The following CDK5RAP2 variants were observed in gnomAD, a reference collection of about 807,000 sequenced individuals.
CDK5RAP2 encodes CDK5 regulatory subunit-associated protein 2.
CDK5RAP2 carries 147 observed loss-of-function variants against 232.9 expected under a neutral mutation model. The observed-to-expected ratio is 0.63, with a 90% CI of 0.55 to 0.72. The LOEUF (loss-of-function observed/expected upper bound fraction) is 0.72. CDK5RAP2 is among the 30% of genes least tolerant of loss of function. The probability of loss-of-function intolerance (pLI) is 0.00; values close to 1 mark genes in which losing one functional copy is unlikely to be tolerated. For missense variants in CDK5RAP2, 2,195 were observed against 2,231.5 expected, an observed-to-expected ratio of 0.98 and a Z score of 0.33; for synonymous variants, 833 against 833.7, an observed-to-expected ratio of 1.00 and a Z score of 0.01.
intron 3 of CDK5RAP2, among the ~76,000 whole-genome samples, chr9:120,566,672 T>C (rs116110835): frequency 5.3e-4 from 81 of 152,290 alleles, no homozygotes; most frequent in African/African-American, 1.7e-3. Flanking sequence ...ATCATGCCCA[T>C]TGTTAAAATG....
intron 18 of CDK5RAP2, among the ~76,000 whole-genome samples, chr9:120,462,624 C>T (rs1469708246): frequency 6.6e-6 from 1 of 152,184 alleles, no homozygotes; most frequent in East Asian, 1.9e-4. Context: ...ATCTCAAAAA[C>T]ATAATGCTGA....
At chr9:120,567,884 T>C (rs1029364892) in intron 3 of CDK5RAP2, among the ~76,000 whole-genome samples, 4 of 152,200 alleles carry the variant, frequency 2.6e-5, no homozygotes, top group African/African-American at 9.7e-5. Context: ...TTAAGATTCC[T>C]AACCTGCAAA....
chr9:120,434,856 G>A lies in CDK5RAP2; in HGVS notation c.3955+2439C>T, dbSNP rs146775355. Among the ~76,000 whole-genome samples, 202 of 152,312 alleles carry A rather than the reference G, an allele frequency of 1.3e-3. 2 individuals carry two copies. The highest frequency in any genetic ancestry group is 4.2e-3 in the African/African-American group (174 of 41,566). ...GTGTCAGGCAAACTGTTTCAGTGGA[G>A]GGGTTGAGATAACTCAGAGTCCAGT... On this transcript the variant is annotated intron_variant, in intron 25 of 37. Transcript: ENST00000349780.
intron 12 of CDK5RAP2, among the ~76,000 whole-genome samples, chr9:120,492,407 CA>C (rs926184183): frequency 1.3e-5 from 2 of 152,022 alleles, no homozygotes; most frequent in African/African-American, 4.8e-5. Context: ...AACCATAAAA[CA>C]AATTAAATGA....
chr9:120,467,855 C>G lies in CDK5RAP2; in HGVS notation c.2106+5G>C. ...TCAGCACATGACAACAAAAATGTTTCTTACCTCTGTTTGTTCTGTAGACGC... is the reference window on the plus strand; with the variant it reads ...TCAGCACATGACAACAAAAATGTTTGTTACCTCTGTTTGTTCTGTAGACGC... On this transcript the variant is annotated splice_donor_5th_base_variant and intron_variant, in intron 18 of 37. Transcript: ENST00000349780. The G allele has an allele frequency of 6.2e-7, 1 of 1,614,046 alleles. No individual in the cohort carries two copies. The highest frequency in any genetic ancestry group is 1.6e-4 in the Middle Eastern group (1 of 6,062).
At chr9:120,514,249 A>ATGC (rs2040221990) in intron 12 of CDK5RAP2, among the ~76,000 whole-genome samples, 1 of 152,216 alleles carries the variant, frequency 6.6e-6, no homozygotes, top group African/African-American at 2.4e-5. Context: ...GACAGCACTT[A>ATGC]GAGTATACAG....
intron 5 of CDK5RAP2, among the ~76,000 whole-genome samples, chr9:120,541,140 C>A (rs767110092): frequency 6.6e-6 from 1 of 152,134 alleles, no homozygotes; most frequent in Non-Finnish European, 1.5e-5. Context: ...TTTCTGCTAC[C>A]CACTCACCAA....
intron 5 of CDK5RAP2, among the ~76,000 whole-genome samples, chr9:120,540,799 G>A (rs2041598878): frequency 6.6e-6 from 1 of 152,214 alleles, no homozygotes; most frequent in Non-Finnish European, 1.5e-5. Flanking sequence ...GTTCCTCTCT[G>A]ATCAGAGTGC....
intron 13 of CDK5RAP2, among the ~76,000 whole-genome samples, chr9:120,489,979 G>C (rs1262684140): frequency 6.6e-6 from 1 of 152,026 alleles, no homozygotes; most frequent in Non-Finnish European, 1.5e-5. Flanking sequence ...GGCTAATTCT[G>C]TATTTTTAGT....
At chr9:120,501,838 A>G (rs1335444772) in intron 12 of CDK5RAP2, among the ~76,000 whole-genome samples, 1 of 152,232 alleles carries the variant, frequency 6.6e-6, no homozygotes, top group Admixed American at 6.5e-5. Context: ...CTCATTAGGT[A>G]TAATGAAATG....
At chr9:120,559,882 T>C (rs1275700902) in intron 3 of CDK5RAP2, among the ~76,000 whole-genome samples, 1 of 152,168 alleles carries the variant, frequency 6.6e-6, no homozygotes, top group Admixed American at 6.6e-5. Flanking sequence ...TCTGGGTTCC[T>C]CCTACTCCCA....
At chr9:120,562,968 T>C (rs1337322883) in intron 3 of CDK5RAP2, among the ~76,000 whole-genome samples, 1 of 152,194 alleles carries the variant, frequency 6.6e-6, no homozygotes, top group East Asian at 1.9e-4. Flanking sequence ...TTTTGTTAGG[T>C]TCAGCGTTGA....
chr9:120,427,009 T>A (rs2034948140), intron 25 of CDK5RAP2, among the ~76,000 whole-genome samples: 1 of 152,216 alleles, frequency 6.6e-6, no homozygotes, highest in African/African-American at 2.4e-5. Flanking sequence ...TTTGTTGGGT[T>A]CCCTTAGCTG....
At chr9:120,443,467 T>C (rs532245351) in intron 23 of CDK5RAP2, among the ~76,000 whole-genome samples, 153 bp downstream of exon 23, 1 of 152,330 alleles carries the variant, frequency 6.6e-6, no homozygotes, top group South Asian at 2.1e-4. Context: ...GGTCAATTAT[T>C]TCTTAAAACC....
chr9:120,510,599 G>A lies in CDK5RAP2; in HGVS notation c.1311+7828C>T, dbSNP rs1458834205. Among the ~76,000 whole-genome samples, 3 of 152,216 alleles carry A rather than the reference G, an allele frequency of 2.0e-5. No homozygotes were observed. The East Asian group carries it at 5.8e-4, about 29-fold the overall frequency. ...CACACTCACACACACTAAAAGGAGA[G>A]CCCAGGTTTCTGGGCTCTGACAATG... On this transcript the variant is annotated intron_variant, in intron 12 of 37. Coordinates refer to ENST00000349780, the MANE Select transcript of CDK5RAP2 (RefSeq NM_018249.6).
At position 120,572,006 on chromosome 9, in the gene CDK5RAP2, CCAT is replaced by C; in HGVS notation, c.92_94del (p.Asp31del). On this transcript the variant is annotated inframe_deletion, in exon 2 of 38. Coordinates refer to ENST00000349780, the MANE Select transcript of CDK5RAP2 (RefSeq NM_018249.6). The stretch of plus-strand genomic sequence containing the variant: ...TCCCAACCCAGCATTGGGGTTGATG[CCAT>C]CCAGGTCATCTGGTACACTGGGAAC... The C allele has an allele frequency of 6.2e-7, 1 of 1,613,874 alleles. No homozygotes were observed. The highest frequency in any genetic ancestry group is 8.5e-7 in the Non-Finnish European group (1 of 1,179,766).
chr9:120,409,483 A>G (rs1300580877), intron 29 of CDK5RAP2, among the ~76,000 whole-genome samples, 167 bp from the exon 30 acceptor site: 1 of 152,282 alleles, frequency 6.6e-6, no homozygotes, highest in Non-Finnish European at 1.5e-5. Flanking sequence ...AAATTTGTCA[A>G]CATCAAGGCT....
In CDK5RAP2 at chr9:120,545,748, G is replaced by A. The variant is rs1388877155; in HGVS notation, c.349C>T (p.Leu117Phe). The A allele has an allele frequency of 6.2e-7, 1 of 1,613,800 alleles. No homozygotes were observed. Among genetic ancestry groups the A allele is most frequent in the Non-Finnish European group, 8.5e-7 (1 of 1,179,872 alleles). The change falls in exon 5 of 38, where the codon CTC (leucine) becomes TTC (phenylalanine). Residue 117 changes from leucine to phenylalanine, a missense_variant. Coordinates refer to ENST00000349780, the MANE Select transcript of CDK5RAP2 (RefSeq NM_018249.6). The part of the protein sequence containing the change: ...KVEVESLKRE[L>F]QEREQLLIKA... ...ATGAGCAGCTGCTCTCTCTCCTGGA[G>A]TTCCCGCTTCAGACTTTCTACTTCC...
chr9:120,507,274 C>G (rs188617766), intron 12 of CDK5RAP2, among the ~76,000 whole-genome samples: 65 of 152,296 alleles, frequency 4.3e-4, no homozygotes, highest in Admixed American at 2.7e-3. Flanking sequence ...CCAAAAAATT[C>G]GTAAGACTCG....
Sources: allele counts gnomAD v4.1 joint callset (sites outside exome capture counted in the v4.1 genomes callset), GRCh38; gene constraint gnomAD v4.1.1; transcripts MANE v1.5; gene names NCBI Gene and HGNC (gene_info 2026-07-23, HGNC 2026-07-21).